RCC2: variants seen among roughly 807,000 people sequenced by gnomAD.
RCC2 encodes regulator of chromosome condensation 2, also known as protein RCC2.
A neutral mutation model predicts 64.1 loss-of-function variants in RCC2; 19 were observed. That is an observed-to-expected ratio of 0.30 (90% CI 0.21 to 0.44). RCC2 has a LOEUF of 0.44. Among genes scored for constraint, RCC2 ranks in the 20% least tolerant of loss-of-function variants. RCC2 has a pLI of 1.00. For missense variants in RCC2, 508 were observed against 710.4 expected (o/e 0.72, Z 3.24); for synonymous variants, 325 against 279.6 (o/e 1.16, Z -1.62).
rs752309391 is a variant in RCC2, at chr1:17,429,123, T to C, written c.362A>G (p.Glu121Gly). The C allele has an allele frequency of 1.2e-6, 2 of 1,614,152 alleles. No individual in the cohort carries two copies. Among genetic ancestry groups the C allele is most frequent in the Non-Finnish European group, 1.7e-6 (2 of 1,179,976 alleles). ...TCTCATACCTTGCTGTTTAGGCACT[T>C]CTTTTCGACCAATCAAGTCCCAGTT... ...ATNWDLIGRK[E>G]VPKQQAAYRN... is the part of the protein sequence containing the mutation. Residue 121 changes from glutamate to glycine, a missense_variant, in exon 3 of 13, where the codon GAA becomes GGA. This residue lies in a region of RCC2 where 132 missense variants were observed against 207.3 expected (regional missense o/e 0.64). Coordinates refer to ENST00000375436, the MANE Select transcript of RCC2 (RefSeq NM_018715.4).
Position 17,413,673 on chromosome 1 carries a change from A to C in RCC2, c.1071T>G (p.Gly357=). Residue 357 remains glycine, a synonymous_variant, in exon 9 of 13, where the codon GGT becomes GGG. Transcript: ENST00000375436. ...CTGCGTGGCCCAGCCGGCCATAGCC[A>C]CCAAAGCCCCAGGAGAAGACTCGCT... The part of the protein sequence containing the change: ...SQKRVFSWGF[G]GYGRLGHAEQ... The C allele has an allele frequency of 6.2e-7, 1 of 1,614,106 alleles. No individual in the cohort carries two copies. The highest frequency in any genetic ancestry group is 8.5e-7 in the Non-Finnish European group (1 of 1,179,980).
chr1:17,431,722 G>A (rs551351700), intron 2 of RCC2, among the ~76,000 whole-genome samples: 24 of 151,762 alleles, frequency 1.6e-4, no homozygotes, highest in African/African-American at 5.6e-4. Flanking sequence ...TATAGGTTCC[G>A]TCACGCTTGC....
chr1:17,419,200 C>CA (rs900469660), intron 7 of RCC2, among the ~76,000 whole-genome samples: 5 of 152,018 alleles, frequency 3.3e-5, no homozygotes, highest in South Asian at 2.1e-4. Flanking sequence ...ACTAAAAATA[C>CA]AAAAAAAAGT....
chr1:17,422,349 AT>A, intron 5 of RCC2, 58 bp from the exon 6 acceptor site: 1 of 1,456,350 alleles, frequency 6.9e-7, no homozygotes, highest in Non-Finnish European at 9.6e-7. Context: ...TTTGAACTAG[AT>A]TTAGAATCAA....
At chr1:17,432,037 G>A (rs1377442174) in intron 2 of RCC2, among the ~76,000 whole-genome samples, 1 of 151,198 alleles carries the variant, frequency 6.6e-6, no homozygotes, top group Non-Finnish European at 1.5e-5. Context: ...GCAGCGAGCC[G>A]AGATCACACC....
At chr1:17,412,007 GA>G (rs761007825) in intron 11 of RCC2, 114 bp downstream of exon 11, 21 of 882,628 alleles carry the variant, frequency 2.4e-5, no homozygotes, top group African/African-American at 1.3e-4. Context: ...AATAAGGGGG[GA>G]ATCCCAAATG....
In RCC2 at chr1:17,439,547, G is replaced by A. The variant is rs545888747; in HGVS notation, c.-11C>T. The A allele has an allele frequency of 6.8e-6, 1 of 147,854 alleles. No individual in the cohort carries two copies. Among genetic ancestry groups the A allele is most frequent in the Non-Finnish European group, 1.5e-5 (1 of 67,100 alleles). The allele number at this position is 147,854 out of a possible 1,614,324, so 9.2% of individuals were successfully genotyped here. ...CACTGTCGATTTTCAGACCCTACCTGGTTGGAGTGATGAGAAACCGGAGAG... is the reference window on the plus strand; with the variant it reads ...CACTGTCGATTTTCAGACCCTACCTAGTTGGAGTGATGAGAAACCGGAGAG... On this transcript the variant is annotated splice_region_variant and 5_prime_UTR_variant, in exon 1 of 13. Transcript: ENST00000375436.
chr1:17,431,499 CAA>C (rs558362245), intron 2 of RCC2, among the ~76,000 whole-genome samples: 13,237 of 56,964 alleles, frequency 0.23, 821 homozygotes, highest in East Asian at 0.32. Context: ...AGCCCTGTCT[CAA>C]AAAAAAAAAA....
At chr1:17,438,836 C>T (rs1284141471) in intron 1 of RCC2, among the ~76,000 whole-genome samples, 1 of 152,178 alleles carries the variant, frequency 6.6e-6, no homozygotes, top group Non-Finnish European at 1.5e-5. Context: ...ACCTCGCCCC[C>T]CAAAAGTAAA....
In RCC2 at chr1:17,425,638, A is replaced by G. The variant is rs147308075; in HGVS notation, c.426T>C (p.Tyr142=). Residue 142 remains tyrosine, a synonymous_variant, in exon 4 of 13, where the codon TAT becomes TAC. Coordinates refer to ENST00000375436, the MANE Select transcript of RCC2 (RefSeq NM_018715.4). ...GCACCCGGACCCCCGCCAGGCACCC[A>G]TATCTGTGGGGCCCCCACAAATTCT... ...LGQNLWGPHR[Y]GCLAGVRVRT... is the part of the protein sequence containing the mutation. 32 of 1,613,952 alleles carry G rather than the reference A, an allele frequency of 2.0e-5. No individual in the cohort carries two copies. Among genetic ancestry groups the G allele is most frequent in the African/African-American group, 1.5e-4 (11 of 75,048 alleles).
At chr1:17,412,326 A>C in intron 10 of RCC2, 132 bp from the exon 11 acceptor site, 1 of 701,866 alleles carries the variant, frequency 1.4e-6, no homozygotes, top group Non-Finnish European at 2.4e-6. Flanking sequence ...AAACACAATA[A>C]CAGGGCCAAC....
At chr1:17,425,758 A>G (rs2075608685) in intron 3 of RCC2, 74 bp from the exon 4 acceptor site, 1 of 1,479,392 alleles carries the variant, frequency 6.8e-7, no homozygotes, top group South Asian at 1.3e-5. Flanking sequence ...CTGGCCACCA[A>G]GCAGCCACTT....
At chr1:17,429,273 A>T (rs563488398) in intron 2 of RCC2, 74 bp from the exon 3 acceptor site, 1 of 1,167,534 alleles carries the variant, frequency 8.6e-7, no homozygotes, top group East Asian at 2.3e-5. Context: ...GTCCAATGAC[A>T]GCACGAAACG....
intron 2 of RCC2, 32 bp from the exon 3 acceptor site, chr1:17,429,231 G>A: frequency 6.4e-7 from 1 of 1,555,734 alleles, no homozygotes; most frequent in Non-Finnish European, 8.9e-7. Context: ...AAAAGAATTA[G>A]TGTGTAAGTC....
chr1:17,412,222 G>GGCCA (rs1348711323), intron 10 of RCC2, 28 bp from the exon 11 acceptor site: 1 of 1,611,516 alleles, frequency 6.2e-7, no homozygotes, highest in Non-Finnish European at 8.5e-7. Flanking sequence ...GTCACTGCAG[G>GGCCA]GCCAGCAGCC....
rs1173188166 is a variant in RCC2, at chr1:17,417,234, CCAGCTCAG to C, written c.860-596_860-589del. ...GACCCAGGGACTGGTTCGCAAAGAC[CCAGCTCAG>C]CACACCACACACCAGAAGCCCGGCT... On this transcript the variant is annotated intron_variant, in intron 7 of 12. Coordinates refer to ENST00000375436, the MANE Select transcript of RCC2 (RefSeq NM_018715.4). Among the ~76,000 whole-genome samples, 17 of 152,294 alleles carry C rather than the reference CCAGCTCAG, an allele frequency of 1.1e-4. No homozygotes were observed. In the East Asian group the frequency reaches 2.9e-3, roughly 26 times the overall value.
chr1:17,425,722 G>C (rs770962822), intron 3 of RCC2, 38 bp from the exon 4 acceptor site: 1 of 1,572,270 alleles, frequency 6.4e-7, no homozygotes, highest in Admixed American at 1.7e-5. Flanking sequence ...GACACCTGGG[G>C]TGGTGGGGTG....
chr1:17,424,792 G>A (rs1422181578), intron 4 of RCC2, among the ~76,000 whole-genome samples: 1 of 152,172 alleles, frequency 6.6e-6, no homozygotes, highest in African/African-American at 2.4e-5. Flanking sequence ...TCACCAAAAG[G>A]GCTGGGGATA....
chr1:17,430,569 C>T (rs543980192), intron 2 of RCC2, among the ~76,000 whole-genome samples: 1 of 151,992 alleles, frequency 6.6e-6, no homozygotes, highest in African/African-American at 2.4e-5. Flanking sequence ...GGGTGAATCA[C>T]GAGGTCAGGA....
Sources: allele counts gnomAD v4.1 joint callset (sites outside exome capture counted in the v4.1 genomes callset), GRCh38; gene constraint gnomAD v4.1.1; regional missense constraint gnomAD v4.1.1; transcripts MANE v1.5; gene names NCBI Gene and HGNC (gene_info 2026-07-23, HGNC 2026-07-21).